CSMD3: variants seen among roughly 807,000 people sequenced by gnomAD.
CSMD3 encodes CUB and Sushi multiple domains 3, also known as CUB and sushi domain-containing protein 3.
CSMD3 carries 177 observed loss-of-function variants against 435.2 expected under a neutral mutation model. The ratio of observed to expected loss-of-function variants is 0.41; its 90% CI spans 0.36 to 0.46. CSMD3 has a LOEUF of 0.46. CSMD3 is among the 20% of genes least tolerant of loss of function. The pLI is 0.34. For synonymous variants in CSMD3, 1,656 were observed against 1,520.5 expected, an observed-to-expected ratio of 1.09 and a Z score of -2.07; for missense variants, 4,265 against 4,504.6, an observed-to-expected ratio of 0.95 and a Z score of 1.52.
At chr8:112,733,433 T>C (rs941045622) in intron 13 of CSMD3, among the ~76,000 whole-genome samples, 9 of 152,076 alleles carry the variant, frequency 5.9e-5, no homozygotes, top group Admixed American at 5.9e-4. Flanking sequence ...AAAGTGCATC[T>C]ATGTAATGTC....
At chr8:113,088,827 C>A (rs1041306588) in intron 5 of CSMD3, among the ~76,000 whole-genome samples, 1 of 151,406 alleles carries the variant, frequency 6.6e-6, no homozygotes, top group Admixed American at 6.6e-5. Flanking sequence ...AACCTGCACA[C>A]TGTGCACATG....
At chr8:113,084,649 T>C (rs542388251) in intron 5 of CSMD3, among the ~76,000 whole-genome samples, 43 of 133,356 alleles carry the variant, frequency 3.2e-4, no homozygotes, top group South Asian at 7.0e-4. Flanking sequence ...CCCATGAATA[T>C]CCAAAGCAAT....
chr8:113,436,190 T>C (rs2094705037), intron 1 of CSMD3, among the ~76,000 whole-genome samples: 1 of 152,184 alleles, frequency 6.6e-6, no homozygotes, highest in Non-Finnish European at 1.5e-5. Flanking sequence ...GTGGCAGTGC[T>C]TGGAAGATCC....
chr8:112,271,240 A>T (rs1260507635), intron 59 of CSMD3, among the ~76,000 whole-genome samples: 2 of 152,202 alleles, frequency 1.3e-5, no homozygotes, highest in Non-Finnish European at 2.9e-5. Context: ...GATAACAAAT[A>T]AATAGGAAAT....
intron 5 of CSMD3, among the ~76,000 whole-genome samples, chr8:113,035,163 A>G (rs1156525918): frequency 1.3e-5 from 2 of 152,080 alleles, no homozygotes; most frequent in Non-Finnish European, 2.9e-5. Context: ...AGAGAAAAAA[A>G]TTCTAAATCC....
At chr8:112,855,222 A>T (rs1034101973) in intron 11 of CSMD3, among the ~76,000 whole-genome samples, 5 of 152,170 alleles carry the variant, frequency 3.3e-5, no homozygotes, top group African/African-American at 1.2e-4. Flanking sequence ...CTAGACCAAT[A>T]TCCTTCAAAC....
chr8:112,846,658 C>T (rs915910004), intron 11 of CSMD3, among the ~76,000 whole-genome samples: 1 of 152,020 alleles, frequency 6.6e-6, no homozygotes, highest in African/African-American at 2.4e-5. Flanking sequence ...GATCCTCCCA[C>T]CTTGGCCTCC....
chr8:112,405,081 C>G lies in CSMD3; in HGVS notation c.5809+1443G>C, dbSNP rs1325548204. On this transcript the variant is annotated intron_variant, in intron 35 of 70. Coordinates refer to ENST00000297405, the MANE Select transcript of CSMD3 (RefSeq NM_198123.2). ...GCACGCCTGTAATCCCAGCTACTCT[C>G]TATGCTGAGGCAGGAGGCTTTAACC... 3.4e-5 allele frequency among the ~76,000 whole-genome samples: 5 copies of G among 147,072 alleles called. No homozygotes were observed. The Admixed American group carries it at 3.4e-4, about 10-fold the overall frequency.
At chr8:112,261,351 C>G in intron 61 of CSMD3, among the ~76,000 whole-genome samples, 1 of 151,988 alleles carries the variant, frequency 6.6e-6, no homozygotes, top group East Asian at 1.9e-4. Context: ...ATCCATGAAC[C>G]TAACACTCAA....
chr8:112,927,565 G>C (rs993499914), intron 9 of CSMD3, among the ~76,000 whole-genome samples: 2 of 152,004 alleles, frequency 1.3e-5, no homozygotes, highest in South Asian at 4.1e-4. Flanking sequence ...AAAATTAAAT[G>C]TTAATAAACT....
intron 32 of CSMD3, among the ~76,000 whole-genome samples, chr8:112,461,606 C>T (rs1586402065): frequency 6.6e-6 from 1 of 152,114 alleles, no homozygotes; most frequent in East Asian, 1.9e-4. Flanking sequence ...AGTCAATTTT[C>T]TAGCATTTGT....
rs1207023822 is a variant in CSMD3, at chr8:113,303,480, C to A, written c.401+11091G>T. 2.0e-4 allele frequency among the ~76,000 whole-genome samples: 30 copies of A among 151,950 alleles called. No homozygotes were observed. In the East Asian group the frequency reaches 4.9e-3, roughly 25 times the overall value. ...TCAATCATAAGCCAAAAGAACAAAG[C>A]TGGAGGCATCATGCTACCTGACTTC... is the stretch of plus-strand genomic sequence containing the variant. On this transcript the variant is annotated intron_variant, in intron 2 of 70. Coordinates refer to ENST00000297405, the MANE Select transcript of CSMD3 (RefSeq NM_198123.2).
At chr8:112,713,419 G>C (rs578158032) in intron 13 of CSMD3, among the ~76,000 whole-genome samples, 2 of 150,060 alleles carry the variant, frequency 1.3e-5, no homozygotes, top group African/African-American at 4.9e-5. Flanking sequence ...GAGAAATATG[G>C]GACTATGTAA....
At chr8:113,213,582 A>C (rs2092865477) in intron 3 of CSMD3, among the ~76,000 whole-genome samples, 1 of 152,022 alleles carries the variant, frequency 6.6e-6, no homozygotes. Context: ...ATTTTGGATC[A>C]GAGAATAAAC....
chr8:113,353,888 T>C (rs1328208642), intron 1 of CSMD3, among the ~76,000 whole-genome samples: 9 of 152,166 alleles, frequency 5.9e-5, no homozygotes, highest in Non-Finnish European at 7.4e-5. Flanking sequence ...AAAAAAGATA[T>C]TGCATCTTTT....
intron 1 of CSMD3, among the ~76,000 whole-genome samples, chr8:113,336,108 T>C (rs1265293149): frequency 2.0e-5 from 3 of 152,118 alleles, no homozygotes; most frequent in Non-Finnish European, 2.9e-5. Flanking sequence ...TCCATTTTTT[T>C]GGCCTACTTT....
intron 3 of CSMD3, among the ~76,000 whole-genome samples, chr8:113,187,809 C>T (rs2092530075): frequency 6.6e-6 from 1 of 151,838 alleles, no homozygotes; most frequent in South Asian, 2.1e-4. Context: ...CTTCTGTGTC[C>T]ATAAAAGGAA....
intron 11 of CSMD3, among the ~76,000 whole-genome samples, chr8:112,834,616 C>T (rs2079969866): frequency 6.6e-6 from 1 of 151,590 alleles, no homozygotes; most frequent in Non-Finnish European, 1.5e-5. Context: ...GTAAAATTTT[C>T]CTTCTTTATT....
rs758171592 is a variant in CSMD3, at chr8:112,263,771, G to A, written c.9730C>T (p.Leu3244=). ...CCCCAGTCGAAATTTGTTCCTTCCA[G>A]CCTTCCATTAGAGATCTGGGGAGGA... is the stretch of plus-strand genomic sequence containing the variant. ...PTPPQISNGR[L]EGTNFDWGFS... The change falls in exon 61 of 71, where the codon CTG becomes TTG. Residue 3244 remains leucine (L), a synonymous_variant. Coordinates refer to ENST00000297405, the MANE Select transcript of CSMD3 (RefSeq NM_198123.2). 6 of 1,613,872 alleles carry A rather than the reference G, an allele frequency of 3.7e-6. No homozygotes were observed. Among genetic ancestry groups the A allele is most frequent in the Non-Finnish European group, 5.1e-6 (6 of 1,179,798 alleles).
Sources: gnomAD v4.1 joint callset for allele counts (sites outside exome capture counted in the v4.1 genomes callset) on GRCh38, gnomAD v4.1.1 for gene constraint, MANE v1.5 for transcripts, NCBI Gene and HGNC (gene_info 2026-07-23, HGNC 2026-07-21) for gene names.